Variants in PTPN14 observed in about 807,000 individuals in gnomAD.
The protein encoded by PTPN14 is tyrosine-protein phosphatase non-receptor type 14.
Under a neutral mutation model 126.8 loss-of-function variants are expected in PTPN14, and 53 were observed. The ratio of observed to expected loss-of-function variants is 0.42; its 90% CI spans 0.34 to 0.53. The LOEUF is 0.53. Among genes scored for constraint, PTPN14 ranks in the 20% least tolerant of loss-of-function variants. PTPN14 has a pLI of 0.08. For synonymous variants in PTPN14, 630 were observed against 599.3 expected (o/e 1.05, Z -0.75); for missense variants, 1,257 against 1,552.9 (o/e 0.81, Z 3.20).
chr1:214,466,619 A>C (rs1055072642), intron 1 of PTPN14, among the ~76,000 whole-genome samples: 6 of 152,198 alleles, frequency 3.9e-5, no homozygotes, highest in African/African-American at 9.6e-5. Flanking sequence ...CTTTCAAAGA[A>C]GCCAGAAATG....
chr1:214,377,927 G>C (rs776815592), intron 14 of PTPN14, 32 bp downstream of exon 14: 3 of 1,602,024 alleles, frequency 1.9e-6, no homozygotes, highest in Middle Eastern at 1.7e-4. Flanking sequence ...AGACTACAGA[G>C]AATGAGTCAC....
chr1:214,503,431 G>A (rs1308311956), intron 1 of PTPN14, among the ~76,000 whole-genome samples: 3 of 152,120 alleles, frequency 2.0e-5, no homozygotes, highest in Non-Finnish European at 2.9e-5. Context: ...CAGCTGCCTC[G>A]CTTCCATTTT....
chr1:214,386,856 G>C lies in PTPN14; in HGVS notation c.1054C>G (p.His352Asp), dbSNP rs1250056867. Residue 352 changes from histidine to aspartate, a missense_variant, in exon 12 of 19, where the codon CAC becomes GAC. Physicochemically the swap from His to Asp is moderately conservative, Grantham distance 81. Around this residue, in one of 3 missense-constraint regions of PTPN14, gnomAD observed 1,021 missense variants for 1,183.3 expected, o/e 0.86. Transcript: ENST00000366956. ...VQCGEHYSETHTSQDSIFHGN... is the reference protein window; with the variant it reads ...VQCGEHYSETDTSQDSIFHGN... The stretch of plus-strand genomic sequence containing the variant: ...AAGCCAGAGTTACCTTGCGAGGTGT[G>C]CGTTTCCGAGTAGTGCTCACCACAC... 1 of 1,602,240 alleles carries C rather than the reference G, an allele frequency of 6.2e-7. No homozygotes were observed. Among genetic ancestry groups the C allele is most frequent in the South Asian group, 1.1e-5 (1 of 90,602 alleles).
intron 1 of PTPN14, among the ~76,000 whole-genome samples, chr1:214,465,333 G>A (rs1466259868): frequency 6.6e-5 from 10 of 152,176 alleles, no homozygotes; most frequent in African/African-American, 2.2e-4. Context: ...TAGGAGGCTG[G>A]GCGTGGTGGC....
intron 3 of PTPN14, among the ~76,000 whole-genome samples, chr1:214,428,958 C>T (rs1659737264): frequency 1.3e-5 from 2 of 152,158 alleles, no homozygotes; most frequent in South Asian, 4.1e-4. Context: ...CTAAGCCATG[C>T]ATTTCTGCCA....
chr1:214,544,884 T>G (rs1342416818), intron 1 of PTPN14, among the ~76,000 whole-genome samples: 54 of 112,886 alleles, frequency 4.8e-4, no homozygotes, highest in Middle Eastern at 4.4e-3. Context: ...GAAGGGGAGG[T>G]GAGAAAGAGA....
chr1:214,501,013 A>C (rs1285415726), intron 1 of PTPN14, among the ~76,000 whole-genome samples: 1 of 152,222 alleles, frequency 6.6e-6, no homozygotes, highest in African/African-American at 2.4e-5. Context: ...CAGCTTGAGA[A>C]AACTAAATAT....
intron 1 of PTPN14, among the ~76,000 whole-genome samples, chr1:214,536,507 G>A (rs1655712091): frequency 2.0e-5 from 3 of 152,028 alleles, no homozygotes; most frequent in Admixed American, 2.0e-4. Flanking sequence ...CAAGTTAGCT[G>A]GGCATGGTGG....
chr1:214,546,834 T>C (rs540320843), intron 1 of PTPN14, among the ~76,000 whole-genome samples: 25 of 152,222 alleles, frequency 1.6e-4, no homozygotes, highest in African/African-American at 5.8e-4. Flanking sequence ...ATCAACTACA[T>C]ATCAAATTTT....
chr1:214,367,353 T>C (rs373065531), intron 17 of PTPN14, among the ~76,000 whole-genome samples: 26 of 152,328 alleles, frequency 1.7e-4, no homozygotes, highest in African/African-American at 5.5e-4. Context: ...ATCCTTCTAC[T>C]CTCTGCTTTC....
rs546535479 is a variant in PTPN14, at chr1:214,479,090, A to C, written c.-154-14133T>G. Among the ~76,000 whole-genome samples the C allele has an allele frequency of 2.6e-5, 4 of 152,124 alleles. No homozygotes were observed. In the South Asian group the frequency reaches 8.3e-4, roughly 32 times the overall value. ...GTCTGGCACAGTGGCTCATGCCTGT[A>C]ATCTTGGCACTTTGGGAGATCGAGG... On this transcript the variant is annotated intron_variant, in intron 1 of 18. Transcript: ENST00000366956.
chr1:214,386,909 G>A lies in PTPN14; in HGVS notation c.1001C>T (p.Pro334Leu), dbSNP rs373278311. The A allele has an allele frequency of 6.2e-6, 10 of 1,604,790 alleles. No individual in the cohort carries two copies. The highest frequency in any genetic ancestry group is 8.5e-6 in the Non-Finnish European group (10 of 1,172,214). ...WSRSSLPRQQ[P>L]YILPPVHVQC... The stretch of plus-strand genomic sequence containing the variant: ...GACGTGAACGGGAGGCAGGATGTAC[G>A]GCTGCTGCCTGGGCTGAAACAGAGA... The change falls in exon 12 of 19, where the codon CCG (proline) becomes CTG (leucine). Residue 334 changes from proline (P) to leucine (L), a missense_variant. This residue lies in a region of PTPN14 where 1,021 missense variants were observed against 1,183.3 expected (regional missense o/e 0.86). Transcript: ENST00000366956.
intron 1 of PTPN14, among the ~76,000 whole-genome samples, chr1:214,491,168 T>C (rs905877776): frequency 5.9e-5 from 9 of 152,248 alleles, no homozygotes; most frequent in Non-Finnish European, 7.4e-5. Flanking sequence ...TTTAATATGA[T>C]TTTTAAATCC....
Position 214,372,837 on chromosome 1 carries a change from C to G in PTPN14, c.2910G>C (p.Val970=). The G allele has an allele frequency of 6.2e-7, 1 of 1,613,928 alleles. No homozygotes were observed. The highest frequency in any genetic ancestry group is 8.5e-7 in the Non-Finnish European group (1 of 1,179,898). ...TGYINASHIK[V]VVGGAEWHYI... ...AGTGCCATTCTGCCCCGCCAACCAC[C>G]ACCTAAAAACCAAGAAAAGTATCGG... The change falls in exon 16 of 19, where the codon GTG becomes GTC. Residue 970 remains valine, a splice_region_variant and synonymous_variant. Coordinates refer to ENST00000366956, the MANE Select transcript of PTPN14 (RefSeq NM_005401.5).
At chr1:214,498,689 G>A (rs769230978) in intron 1 of PTPN14, among the ~76,000 whole-genome samples, 2 of 152,034 alleles carry the variant, frequency 1.3e-5, no homozygotes, top group Non-Finnish European at 2.9e-5. Flanking sequence ...TAGTCTACAC[G>A]GCACCACAAT....
chr1:214,544,829 GA>G (rs1159664886), intron 1 of PTPN14, among the ~76,000 whole-genome samples: 2 of 151,306 alleles, frequency 1.3e-5, no homozygotes, highest in East Asian at 1.9e-4. Flanking sequence ...AGGTAAGAGA[GA>G]AAAAAGAGGA....
At chr1:214,373,459 T>A (rs1269924219) in intron 15 of PTPN14, among the ~76,000 whole-genome samples, 1 of 152,096 alleles carries the variant, frequency 6.6e-6, no homozygotes, top group Non-Finnish European at 1.5e-5. Context: ...CATGTATAAC[T>A]TAGGATTTAC....
At chr1:214,472,179 T>C (rs1660773994) in intron 1 of PTPN14, among the ~76,000 whole-genome samples, 1 of 152,202 alleles carries the variant, frequency 6.6e-6, no homozygotes, top group Non-Finnish European at 1.5e-5. Context: ...TGTTGAATTG[T>C]AATCCCCGAT....
At chr1:214,403,584 T>A (rs945287798) in intron 5 of PTPN14, among the ~76,000 whole-genome samples, 7 of 152,188 alleles carry the variant, frequency 4.6e-5, no homozygotes, top group African/African-American at 1.4e-4. Flanking sequence ...CTGACTACTA[T>A]GGGCTCAGAA....
Sources: gnomAD v4.1 joint callset for allele counts (sites outside exome capture counted in the v4.1 genomes callset) on GRCh38, gnomAD v4.1.1 for gene constraint, gnomAD v4.1.1 regional missense constraint, MANE v1.5 for transcripts, NCBI Gene and HGNC (gene_info 2026-07-23, HGNC 2026-07-21) for gene names.